The following CYBA variants were observed in gnomAD, a reference collection of about 807,000 sequenced individuals.
CYBA encodes cytochrome b-245 light chain.
CYBA carries 21 observed loss-of-function variants against 20.8 expected under a neutral mutation model. The observed-to-expected ratio is 1.01, with a 90% confidence interval of 0.72 to 1.46. The LOEUF (loss-of-function observed/expected upper bound fraction) is 1.46. Ranked by LOEUF, CYBA falls within the 40% of genes most tolerant of loss-of-function variation. The pLI is 0.00. For missense variants in CYBA, 344 were observed against 287.0 expected, an observed-to-expected ratio of 1.20 and a Z score of -1.43; for synonymous variants, 164 against 127.5, an observed-to-expected ratio of 1.29 and a Z score of -1.93.
rs1907184419 is a variant in CYBA at position 88,643,944 on chromosome 16, G to A, written c.370-373C>T. 6.6e-6 allele frequency among the ~76,000 whole-genome samples: 1 copy of A among 152,200 alleles called. No homozygotes were observed. Among genetic ancestry groups the A allele is most frequent in the African/African-American group, 2.4e-5 (1 of 41,454 alleles). Reference sequence around the variant, plus strand: ...GTCCAGCAGGAGGGGTGGCCCAGGAGAGTAGCAGGCCCTGCTCCGTCTGGT... The same window carrying A: ...GTCCAGCAGGAGGGGTGGCCCAGGAAAGTAGCAGGCCCTGCTCCGTCTGGT... On this transcript the variant is annotated intron_variant, in intron 5 of 5. Transcript: ENST00000261623. This position sits in a 1 kb window ranked among gnomAD's most constrained non-coding sequence, Gnocchi z 4.3.
intron 1 of CYBA, chr16:88,650,119 T>G: frequency 3.4e-5 from 10 of 296,302 alleles, no homozygotes; most frequent in South Asian, 8.1e-5. Flanking sequence ...CCCAGGGGAG[T>G]GGTGGCAGCG....
intron 4 of CYBA, 70 bp from the exon 5 acceptor site, chr16:88,646,267 G>A: frequency 1.5e-6 from 2 of 1,367,496 alleles, no homozygotes; most frequent in Admixed American, 2.0e-5. Context: ...CCCCAGGTCT[G>A]GGGGCCAAGG....
chr16:88,649,150 G>C (rs995632234), intron 1 of CYBA, among the ~76,000 whole-genome samples: 1 of 151,014 alleles, frequency 6.6e-6, no homozygotes, highest in Non-Finnish European at 1.5e-5. Flanking sequence ...TGTTAGCCAG[G>C]ATGGTCTCGA....
intron 4 of CYBA, 85 bp downstream of exon 4, chr16:88,646,670 C>T (rs1403306941): frequency 7.9e-7 from 1 of 1,269,936 alleles, no homozygotes; most frequent in Non-Finnish European, 1.1e-6. Context: ...TGGCTCCTGT[C>T]CAGGCAGCCC....
chr16:88,644,789 C>G (rs998493281), intron 5 of CYBA: 4 of 251,398 alleles, frequency 1.6e-5, no homozygotes, highest in African/African-American at 6.7e-5. Context: ...CACGCCACTG[C>G]ACTCCAGCCT....
At chr16:88,645,331 G>A (rs944154530) in intron 5 of CYBA, 19 of 702,328 alleles carry the variant, frequency 2.7e-5, no homozygotes, top group Non-Finnish European at 4.2e-5. Flanking sequence ...ATACGCGGAA[G>A]GCGTACACAG....
At position 88,646,134 on chromosome 16, in the gene CYBA, C is replaced by T. The variant is rs746239603; in HGVS notation, c.351G>A (p.Ala117=). 2.6e-6 allele frequency: 4 copies of T among 1,556,864 alleles called. No individual in the cohort carries two copies. Among genetic ancestry groups the T allele is most frequent in the East Asian group, 4.8e-5 (2 of 41,536 alleles). Residue 117 remains alanine (A), a synonymous_variant, in exon 5 of 6, where the codon GCG becomes GCA. Transcript: ENST00000261623. ...TILGTACLAI[A]SGIYLLAAVR... ...CACTCACCAGTAGGTAGATGCCGCT[C>T]GCAATGGCCAGGCAGGCGGTCCCAA...
At chr16:88,647,921 G>T in intron 2 of CYBA, 124 bp downstream of exon 2, 1 of 976,160 alleles carries the variant, frequency 1.0e-6, no homozygotes, top group Non-Finnish European at 1.6e-6. Context: ...CCCGTGCACA[G>T]CCCACCCTGT....
At chr16:88,644,771 G>A (rs1907215274) in intron 5 of CYBA, 1 of 217,226 alleles carries the variant, frequency 4.6e-6, no homozygotes, top group African/African-American at 2.3e-5. Flanking sequence ...GTTGCAGTGA[G>A]CCGAGATCAC....
Position 88,645,776 on chromosome 16 carries a change from A to G in CYBA, c.369+340T>C, listed in dbSNP as rs868182858. ...CTGATAATGGGACCCAAGCGCAGGC[A>G]CGGTCTTCGGCCGGCTGCGTGACCC... On this transcript the variant is annotated intron_variant, in intron 5 of 5. Coordinates refer to ENST00000261623, the MANE Select transcript of CYBA (RefSeq NM_000101.4). 4.1e-5 allele frequency: 22 copies of G among 537,682 alleles called. 1 individual carries two copies. Among genetic ancestry groups the G allele is most frequent in the Middle Eastern group, 4.9e-4 (1 of 2,040 alleles). 33.3% of individuals were successfully genotyped at this position (537,682 alleles called of 1,614,324 possible).
chr16:88,648,755 C>T (rs1180015319), intron 1 of CYBA, among the ~76,000 whole-genome samples: 2 of 151,262 alleles, frequency 1.3e-5, no homozygotes, highest in Non-Finnish European at 2.9e-5. Flanking sequence ...GTAGCTGGGA[C>T]TACAGGCGCC....
chr16:88,648,016 G>A (rs377306683), intron 2 of CYBA, 29 bp downstream of exon 2: 164 of 1,600,984 alleles, frequency 1.0e-4, no homozygotes, highest in Non-Finnish European at 1.2e-4. Context: ...GGCGTTCCCC[G>A]CCCACCCCAG....
Position 88,643,709 on chromosome 16 carries a change from CAGAG to C in CYBA, c.370-142_370-139del, listed in dbSNP as rs1218068373. On this transcript the variant is annotated intron_variant, in intron 5 of 5. Coordinates refer to ENST00000261623, the MANE Select transcript of CYBA (RefSeq NM_000101.4). This position sits in a 1 kb window ranked among gnomAD's most constrained non-coding sequence, Gnocchi z 4.3. ...CACGCAGGATGGTGTGACTGCCACT[CAGAG>C]AGGTTAAGTGACGCGCCCGAGGCCA... 9 of 848,446 alleles carry C rather than the reference CAGAG, an allele frequency of 1.1e-5. No individual in the cohort carries two copies. Among genetic ancestry groups the C allele is most frequent in the Admixed American group, 2.1e-5 (1 of 46,652 alleles). 52.6% of individuals were successfully genotyped at this position (848,446 alleles called of 1,614,324 possible).
chr16:88,649,895 G>T (rs528962230), intron 1 of CYBA, among the ~76,000 whole-genome samples: 5 of 152,210 alleles, frequency 3.3e-5, no homozygotes, highest in Non-Finnish European at 7.3e-5. Context: ...TGTAGGGAGT[G>T]CGGGGCAGGC....
At position 88,643,672 on chromosome 16, in the gene CYBA, A is replaced by C; in HGVS notation, c.370-101T>G. On this transcript the variant is annotated intron_variant, in intron 5 of 5. Transcript: ENST00000261623. The surrounding 1 kb of genome is among the most constrained non-coding windows in gnomAD (Gnocchi z 4.3). ...CCGCTAGGGGCCCTGGGACAGGCTC[A>C]AGTCTGAATCCCACGCAGGATGGTG... The C allele has an allele frequency of 9.1e-7, 1 of 1,098,666 alleles. No individual in the cohort carries two copies. Among genetic ancestry groups the C allele is most frequent in the South Asian group, 1.4e-5 (1 of 73,002 alleles). The allele number at this position is 1,098,666 out of a possible 1,614,324, so 68.1% of individuals were successfully genotyped here.
chr16:88,645,981 C>T (rs1442166492), intron 5 of CYBA, 135 bp downstream of exon 5: 5 of 750,926 alleles, frequency 6.7e-6, no homozygotes, highest in East Asian at 5.4e-5. Flanking sequence ...TGTGAGCACA[C>T]GCCCAGGCTC....
intron 2 of CYBA, 54 bp downstream of exon 2, chr16:88,647,991 C>A: frequency 1.3e-6 from 2 of 1,545,172 alleles, no homozygotes; most frequent in Non-Finnish European, 1.8e-6. Flanking sequence ...GAAGTGGCTC[C>A]CCAGCTCTGC....
intron 1 of CYBA, among the ~76,000 whole-genome samples, 157 bp from the exon 2 acceptor site, chr16:88,648,271 C>T (rs1006983277): frequency 3.3e-5 from 5 of 152,208 alleles, no homozygotes; most frequent in Non-Finnish European, 7.3e-5. Context: ...CCAGGAGGCA[C>T]CCCTCTGCAC....
chr16:88,643,605 GC>G lies in CYBA; in HGVS notation c.370-35del, dbSNP rs1907168509. ...CACTGAAGGGTTGAGCCGCGCCCCA[GC>G]GCCCGCCCTCCCTCCCTCCCTCCCT... On this transcript the variant is annotated intron_variant, in intron 5 of 5. Transcript: ENST00000261623. This position sits in a 1 kb window ranked among gnomAD's most constrained non-coding sequence, Gnocchi z 4.3. The G allele has an allele frequency of 6.6e-7, 1 of 1,520,288 alleles. No homozygotes were observed. Among genetic ancestry groups the G allele is most frequent in the South Asian group, 1.2e-5 (1 of 83,618 alleles). 94.2% of individuals were successfully genotyped at this position (1,520,288 alleles called of 1,614,324 possible). A position where few individuals can be genotyped will look rare whatever the true frequency, so the allele number is the denominator to read the frequency against.
Sources: gnomAD v4.1 joint callset for allele counts (sites outside exome capture counted in the v4.1 genomes callset) on GRCh38, gnomAD v4.1.1 for gene constraint, Gnocchi (gnomAD v3.1) non-coding constraint, MANE v1.5 for transcripts, NCBI Gene and HGNC (gene_info 2026-07-23, HGNC 2026-07-21) for gene names.